Variants in ERI3 observed in about 807,000 individuals in gnomAD.
The protein encoded by ERI3 is ERI1 exoribonuclease 3.
In ERI3, 18 loss-of-function variants were observed where a neutral mutation model predicts 44.4. That is an observed-to-expected ratio of 0.41 (90% CI 0.28 to 0.60). ERI3 has a LOEUF of 0.60. Ranked by LOEUF, ERI3 falls within the 20% of genes least tolerant of loss-of-function variation. The pLI is 0.36. For missense variants in ERI3, 294 were observed against 435.5 expected (o/e 0.68, Z 2.89); for synonymous variants, 183 against 164.8 (o/e 1.11, Z -0.84).
At chr1:44,335,084 A>C (rs1235282829) in intron 3 of ERI3, among the ~76,000 whole-genome samples, 1 of 152,212 alleles carries the variant, frequency 6.6e-6, no homozygotes, top group Non-Finnish European at 1.5e-5. Context: ...TCACACCTGT[A>C]ATCAGAGCAC....
chr1:44,300,692 C>G (rs893858993), intron 6 of ERI3, among the ~76,000 whole-genome samples: 1 of 152,206 alleles, frequency 6.6e-6, no homozygotes, highest in Non-Finnish European at 1.5e-5. Context: ...CCAAGCCCAC[C>G]ATCAGGAGCC....
At position 44,351,964 on chromosome 1, in the gene ERI3, T is replaced by G. The variant is rs1320689811; in HGVS notation, c.211+886A>C. 3.3e-5 allele frequency among the ~76,000 whole-genome samples: 5 copies of G among 152,220 alleles called. No individual in the cohort carries two copies. In the South Asian group the frequency reaches 6.2e-4, roughly 19 times the overall value. ...CCTTTCTGAGTATTCCCAAAGCCTC[T>G]ACACTTCCCTTACTATAGCACTCTC... is the stretch of plus-strand genomic sequence containing the variant. On this transcript the variant is annotated intron_variant, in intron 2 of 8. Transcript: ENST00000372257.
chr1:44,239,915 C>T (rs1167567481), intron 8 of ERI3, among the ~76,000 whole-genome samples: 1 of 152,230 alleles, frequency 6.6e-6, no homozygotes, highest in Non-Finnish European at 1.5e-5. Flanking sequence ...TCAATCAGCT[C>T]TGCGGCTCCC....
chr1:44,323,234 G>C (rs1164229093), intron 3 of ERI3, among the ~76,000 whole-genome samples: 2 of 152,222 alleles, frequency 1.3e-5, no homozygotes, highest in Non-Finnish European at 2.9e-5. Context: ...TAGGCTATCA[G>C]ACAGGGGCTG....
At chr1:44,285,320 G>A (rs1645371390) in intron 6 of ERI3, among the ~76,000 whole-genome samples, 2 of 152,202 alleles carry the variant, frequency 1.3e-5, no homozygotes, top group Non-Finnish European at 2.9e-5. Flanking sequence ...ATAGTGCCAA[G>A]AACTGAACCC....
intron 3 of ERI3, among the ~76,000 whole-genome samples, chr1:44,326,863 A>C (rs1646326997): frequency 6.6e-6 from 1 of 152,174 alleles, no homozygotes; most frequent in Non-Finnish European, 1.5e-5. Context: ...ATTTGAGGAG[A>C]GTATGGGTGC....
chr1:44,294,068 G>A (rs1377402889), intron 6 of ERI3, among the ~76,000 whole-genome samples: 2 of 152,254 alleles, frequency 1.3e-5, no homozygotes, highest in East Asian at 3.8e-4. Flanking sequence ...TGTCTGATCT[G>A]GCAGCGACCT....
At chr1:44,238,869 T>C (rs1269454863) in intron 8 of ERI3, among the ~76,000 whole-genome samples, 3 of 152,070 alleles carry the variant, frequency 2.0e-5, no homozygotes, top group Non-Finnish European at 4.4e-5. Context: ...CACTTAGCCC[T>C]GTCAGCCAGG....
At chr1:44,315,621 C>T (rs1240135794) in intron 4 of ERI3, among the ~76,000 whole-genome samples, 1 of 152,268 alleles carries the variant, frequency 6.6e-6, no homozygotes, top group African/African-American at 2.4e-5. Context: ...TCAGCTCCTT[C>T]TCTCACCATG....
intron 2 of ERI3, among the ~76,000 whole-genome samples, chr1:44,342,865 T>A (rs1291357189): frequency 9.4e-3 from 241 of 25,506 alleles, no homozygotes; most frequent in Non-Finnish European, 0.015. Flanking sequence ...ATATTTTTTT[T>A]TTTTTTTTTT....
At chr1:44,281,732 T>C (rs1259154840) in intron 7 of ERI3, among the ~76,000 whole-genome samples, 2 of 151,812 alleles carry the variant, frequency 1.3e-5, no homozygotes, top group East Asian at 3.8e-4. Context: ...TGGGTATGCC[T>C]GCAAATATTT....
At chr1:44,323,676 A>T (rs1376393201) in intron 3 of ERI3, among the ~76,000 whole-genome samples, 1 of 152,226 alleles carries the variant, frequency 6.6e-6, no homozygotes, top group East Asian at 1.9e-4. Context: ...ACTACGTGGC[A>T]GATACTGTGC....
intron 2 of ERI3, among the ~76,000 whole-genome samples, chr1:44,342,336 G>A (rs1333580396): frequency 6.6e-6 from 1 of 152,156 alleles, no homozygotes; most frequent in African/African-American, 2.4e-5. Context: ...GGCAGTGGCA[G>A]TAATGAGGAT....
At chr1:44,282,695 A>C (rs1402477888) in intron 7 of ERI3, among the ~76,000 whole-genome samples, 1 of 152,182 alleles carries the variant, frequency 6.6e-6, no homozygotes, top group African/African-American at 2.4e-5. Context: ...CTTTAAGCAC[A>C]TTTGCAATAC....
chr1:44,345,497 C>A (rs1572345036), intron 2 of ERI3, among the ~76,000 whole-genome samples: 1 of 152,346 alleles, frequency 6.6e-6, no homozygotes. Flanking sequence ...CCTAGGAATA[C>A]AACAATCATA....
chr1:44,267,720 A>G lies in ERI3; in HGVS notation c.831+17115T>C, dbSNP rs188017898. 1.7e-4 allele frequency among the ~76,000 whole-genome samples: 26 copies of G among 152,342 alleles called. No individual in the cohort carries two copies. In the East Asian group the frequency reaches 4.4e-3, roughly 26 times the overall value. ...AGGTGCCAAGCCCAGGCCTAGCAAC[A>G]TAAGACCTGGTTGTGGTGCTGGGGA... On this transcript the variant is annotated intron_variant, in intron 7 of 8. Coordinates refer to ENST00000372257, the MANE Select transcript of ERI3 (RefSeq NM_024066.3).
chr1:44,332,026 C>T (rs1455567944), intron 3 of ERI3, among the ~76,000 whole-genome samples: 1 of 152,176 alleles, frequency 6.6e-6, no homozygotes. Flanking sequence ...GGGTAGGGAC[C>T]ATTCCTTACT....
chr1:44,229,987 C>T (rs928619256), intron 8 of ERI3, among the ~76,000 whole-genome samples: 2 of 152,080 alleles, frequency 1.3e-5, no homozygotes, highest in East Asian at 1.9e-4. Context: ...ACCACTCACG[C>T]GACTCCCATT....
rs1644448141 is a variant in ERI3 at position 44,241,956 on chromosome 1, G to C, written c.931+5983C>G. 1.0e-6 allele frequency: 1 copy of C among 985,540 alleles called. No homozygotes were observed. The highest frequency in any genetic ancestry group is 1.2e-6 in the Non-Finnish European group (1 of 829,990). The allele number at this position is 985,540 out of a possible 1,614,324, so 61.0% of individuals were successfully genotyped here. Reference sequence around the variant, plus strand: ...TCTTCCATCTATGGTTGCTACTGAAGAACAGTCTGGTGTCTGGCAAGAACC... The same window carrying C: ...TCTTCCATCTATGGTTGCTACTGAACAACAGTCTGGTGTCTGGCAAGAACC... On this transcript the variant is annotated intron_variant, in intron 8 of 8. Coordinates refer to ENST00000372257, the MANE Select transcript of ERI3 (RefSeq NM_024066.3). This position sits in a 1 kb window ranked among gnomAD's most constrained non-coding sequence, Gnocchi z 5.6.
Sources: allele counts gnomAD v4.1 joint callset (sites outside exome capture counted in the v4.1 genomes callset), GRCh38; gene constraint gnomAD v4.1.1; non-coding constraint Gnocchi (gnomAD v3.1); transcripts MANE v1.5; gene names NCBI Gene and HGNC (gene_info 2026-07-23, HGNC 2026-07-21).